The following TIAM1 variants were observed in gnomAD, a reference collection of about 807,000 sequenced individuals.
The protein encoded by TIAM1 is TIAM Rac1 associated GEF 1.
Under a neutral mutation model 163.5 loss-of-function variants are expected in TIAM1, and 65 were observed. That is an observed-to-expected ratio of 0.40 (90% CI 0.33 to 0.49). The LOEUF (loss-of-function observed/expected upper bound fraction) is 0.49, where lower values mean the gene tolerates loss of function less well. Ranked by LOEUF, TIAM1 falls within the 20% of genes least tolerant of loss-of-function variation. The probability of loss-of-function intolerance (pLI) is 0.77; values close to 1 mark genes in which losing one functional copy is unlikely to be tolerated. For missense variants in TIAM1, 1,789 were observed against 2,044.7 expected (o/e 0.87, Z 2.41); for synonymous variants, 833 against 810.1 (o/e 1.03, Z -0.48).
chr21:31,518,897 G>T lies in TIAM1; in HGVS notation c.-422+40030C>A, dbSNP rs962906366. The stretch of plus-strand genomic sequence containing the variant: ...TGGTAACATTGTTTTTACAGAAAAT[G>T]TAGTCTGGATTTCAAATAAAAGACA... On this transcript the variant is annotated intron_variant, in intron 1 of 28. Coordinates refer to the TIAM1 transcript ENST00000286827. 6.6e-5 allele frequency among the ~76,000 whole-genome samples: 10 copies of T among 152,214 alleles called. No individual in the cohort carries two copies. The South Asian group carries it at 1.7e-3, about 25-fold the overall frequency.
At chr21:31,357,720 C>T (rs1303076651) in intron 2 of TIAM1, among the ~76,000 whole-genome samples, 2 of 152,192 alleles carry the variant, frequency 1.3e-5, no homozygotes, top group Non-Finnish European at 2.9e-5. Context: ...GTGCATCTTC[C>T]ATCCAACCAC....
intron 2 of TIAM1, among the ~76,000 whole-genome samples, chr21:31,444,299 C>T (rs1569336919): frequency 1.3e-5 from 2 of 151,174 alleles, no homozygotes; most frequent in South Asian, 2.1e-4. Flanking sequence ...TGCAACCACA[C>T]AAGAAAACAG....
intron 27 of TIAM1, among the ~76,000 whole-genome samples, chr21:31,121,873 G>C (rs1007104598): frequency 9.2e-5 from 14 of 152,154 alleles, no homozygotes; most frequent in African/African-American, 3.1e-4. Context: ...CTTCTCCCTC[G>C]AGAGTGAAGC....
Position 31,442,070 on chromosome 21 carries a change from AATATAT to A in TIAM1, c.-369+21907_-369+21912del, listed in dbSNP as rs138822110. 1.2e-3 allele frequency among the ~76,000 whole-genome samples: 64 copies of A among 53,230 alleles called. 5 individuals carry two copies. The highest frequency in any genetic ancestry group is 3.1e-3 in the East Asian group (5 of 1,636). The allele number at this position is 53,230 out of a possible 152,430, so 34.9% of individuals were successfully genotyped here. A position where few individuals can be genotyped will look rare whatever the true frequency, so the allele number is the denominator to read the frequency against. Reference sequence around the variant, plus strand: ...GACCCTATCTCAGAACAAATAAATAAATATATATATATATATAGAACAATAAGGGTA... The same window carrying A: ...GACCCTATCTCAGAACAAATAAATAAATATATATATAGAACAATAAGGGTA... On this transcript the variant is annotated intron_variant, in intron 2 of 28. Coordinates refer to the TIAM1 transcript ENST00000286827.
rs116615723 is a variant in TIAM1 at position 31,237,677 on chromosome 21, A to T, written c.1584+7811T>A. 8.6e-3 allele frequency among the ~76,000 whole-genome samples: 1,313 copies of T among 152,342 alleles called. 20 individuals carry two copies. The highest frequency in any genetic ancestry group is 0.03 in the African/African-American group (1,235 of 41,582). On this transcript the variant is annotated intron_variant, in intron 6 of 27. Coordinates refer to ENST00000541036, the MANE Select transcript of TIAM1 (RefSeq NM_001353694.2). ...TGGGAAGAAAAGGCAATCAATTCCT[A>T]GAGATAACATTTTCTATACCCCTTT...
chr21:31,553,846 C>T (rs1019301235), intron 1 of TIAM1, among the ~76,000 whole-genome samples: 2 of 152,092 alleles, frequency 1.3e-5, no homozygotes, highest in African/African-American at 4.8e-5. Flanking sequence ...TCCTGTTCAC[C>T]CCATTTCCAT....
At chr21:31,268,222 A>C (rs1010172667) in intron 3 of TIAM1, among the ~76,000 whole-genome samples, 2 of 152,228 alleles carry the variant, frequency 1.3e-5, no homozygotes, top group Non-Finnish European at 2.9e-5. Context: ...TAGAAGCCAG[A>C]GATACAGCAG....
intron 2 of TIAM1, among the ~76,000 whole-genome samples, chr21:31,409,020 G>A (rs112614972): frequency 1.8e-4 from 28 of 152,024 alleles, no homozygotes; most frequent in Admixed American, 2.6e-4. Context: ...TCATCAGTGC[G>A]GTGGGTCCTA....
At chr21:31,387,825 G>C (rs78901093) in intron 2 of TIAM1, among the ~76,000 whole-genome samples, 196 of 152,080 alleles carry the variant, frequency 1.3e-3, no homozygotes, top group East Asian at 9.8e-4. Context: ...TCTCCCAGGC[G>C]CACCTTCCCC....
intron 1 of TIAM1, among the ~76,000 whole-genome samples, chr21:31,530,724 C>T (rs1436615895): frequency 6.6e-6 from 1 of 152,136 alleles, no homozygotes; most frequent in Admixed American, 6.5e-5. Context: ...CACTTCGCAT[C>T]CCCAGAACCA....
chr21:31,154,570 C>T, intron 16 of TIAM1, 144 bp from the exon 17 acceptor site: 1 of 800,994 alleles, frequency 1.2e-6, no homozygotes, highest in Non-Finnish European at 1.9e-6. Context: ...AATTGCTCCA[C>T]ATTTAGGAGA....
intron 2 of TIAM1, among the ~76,000 whole-genome samples, chr21:31,416,829 G>T (rs1006409938): frequency 6.6e-6 from 1 of 152,104 alleles, no homozygotes; most frequent in East Asian, 1.9e-4. Context: ...AACTATGTTG[G>T]GACATCATGT....
intron 1 of TIAM1, among the ~76,000 whole-genome samples, chr21:31,467,192 C>T (rs1053490975): frequency 1.3e-5 from 2 of 152,296 alleles, no homozygotes; most frequent in Middle Eastern, 3.4e-3. Flanking sequence ...ATTAAGTGGG[C>T]GTGGTGGCAC....
At position 31,124,396 on chromosome 21, in the gene TIAM1, C is replaced by T. The variant is rs58322710; in HGVS notation, c.4306+126G>A. ...AAGGAACCTCACACCAGGGAAAAACCGTCCTCCTACATCAGCCCCCACCAG... is the reference window on the plus strand; with the variant it reads ...AAGGAACCTCACACCAGGGAAAAACTGTCCTCCTACATCAGCCCCCACCAG... On this transcript the variant is annotated intron_variant, in intron 27 of 27. Transcript: ENST00000541036. 19,245 of 1,366,624 alleles carry T rather than the reference C, an allele frequency of 0.014. 1,663 individuals carry two copies. The African/African-American group carries it at 0.21, about 15-fold the overall frequency. The allele number at this position is 1,366,624 out of a possible 1,614,324, so 84.7% of individuals were successfully genotyped here. A position where few individuals can be genotyped will look rare whatever the true frequency, so the allele number is the denominator to read the frequency against.
intron 2 of TIAM1, among the ~76,000 whole-genome samples, chr21:31,390,258 A>C (rs1415699628): frequency 1.3e-5 from 2 of 152,216 alleles, no homozygotes; most frequent in Non-Finnish European, 1.5e-5. Flanking sequence ...ACAGAACCTC[A>C]GGACTCCAAC....
intron 2 of TIAM1, among the ~76,000 whole-genome samples, chr21:31,278,350 G>A (rs563446880): frequency 1.3e-5 from 2 of 152,220 alleles, no homozygotes; most frequent in African/African-American, 2.4e-5. Context: ...CCAGGAACAC[G>A]TGGGGTTAAT....
chr21:31,148,044 A>G (rs891219478), intron 19 of TIAM1, among the ~76,000 whole-genome samples: 2 of 147,184 alleles, frequency 1.4e-5, no homozygotes, highest in African/African-American at 5.0e-5. Context: ...ATTTTAAACC[A>G]TACATAATTG....
In TIAM1 at chr21:31,327,370, T is replaced by C. The variant is rs539930871; in HGVS notation, c.-189+11873A>G. Among the ~76,000 whole-genome samples the C allele has an allele frequency of 9.9e-5, 15 of 152,220 alleles. 1 individual carries two copies. The highest frequency in any genetic ancestry group is 3.6e-4 in the African/African-American group (15 of 41,550). On this transcript the variant is annotated intron_variant, in intron 2 of 27. Coordinates refer to ENST00000541036, the MANE Select transcript of TIAM1 (RefSeq NM_001353694.2). ...AAAGAGATCTGTGGGCTGGGCGCAG[T>C]GGCTCATGCCTGTAATCTCAACACT...
At chr21:31,338,993 G>A (rs918510868) in intron 2 of TIAM1, among the ~76,000 whole-genome samples, 1 of 152,022 alleles carries the variant, frequency 6.6e-6, no homozygotes, top group Non-Finnish European at 1.5e-5. Context: ...AGGATTACCC[G>A]CAGCCAACTC....
Sources: gnomAD v4.1 joint callset for allele counts (sites outside exome capture counted in the v4.1 genomes callset) on GRCh38, gnomAD v4.1.1 for gene constraint, MANE v1.5 for transcripts, NCBI Gene and HGNC (gene_info 2026-07-23, HGNC 2026-07-21) for gene names.